SESTD1: variants seen among roughly 807,000 people sequenced by gnomAD.
SESTD1 encodes the protein SEC14 domain and spectrin repeat-containing protein 1.
In SESTD1, 43 loss-of-function variants were observed where a neutral mutation model predicts 101.7. That is an observed-to-expected ratio of 0.42 (90% confidence interval 0.33 to 0.55). The LOEUF is 0.55. Ranked by LOEUF, SESTD1 falls within the 20% of genes least tolerant of loss-of-function variation. SESTD1 has a pLI of 0.07. For synonymous variants in SESTD1, 283 were observed against 286.8 expected (o/e 0.99, Z 0.13); for missense variants, 647 against 815.1 (o/e 0.79, Z 2.51).
chr2:179,235,371 G>A (rs1455180092), intron 1 of SESTD1, among the ~76,000 whole-genome samples: 2 of 152,114 alleles, frequency 1.3e-5, no homozygotes, highest in African/African-American at 2.4e-5. Flanking sequence ...AGAATGTGGA[G>A]TGAAACCTAT....
Position 179,107,244 on chromosome 2 carries a change from C to CT in SESTD1, c.*2654dup, listed in dbSNP as rs1160622879. On this transcript the variant is annotated 3_prime_UTR_variant, in exon 18 of 18. Coordinates refer to ENST00000428443, the MANE Select transcript of SESTD1 (RefSeq NM_178123.5). ...CATTACTGGATTTTCATTCATAACT[C>CT]TATGTACAGATACACATATGAAAGC... 1 of 152,124 alleles carries CT rather than the reference C, an allele frequency of 6.6e-6. No homozygotes were observed. The highest frequency in any genetic ancestry group is 2.4e-5 in the African/African-American group (1 of 41,438). 9.4% of individuals were successfully genotyped at this position (152,124 alleles called of 1,614,324 possible). A position where few individuals can be genotyped will look rare whatever the true frequency, so the allele number is the denominator to read the frequency against.
intron 1 of SESTD1, among the ~76,000 whole-genome samples, chr2:179,230,113 C>CTCTTTT (rs2046962437): frequency 1.1e-4 from 6 of 56,404 alleles, no homozygotes; most frequent in African/African-American, 3.1e-4. Flanking sequence ...GATTGTATCT[C>CTCTTTT]TTTTTTTTTT....
intron 10 of SESTD1, among the ~76,000 whole-genome samples, chr2:179,129,485 A>AACTT (rs1247106359): frequency 3.9e-5 from 6 of 152,142 alleles, no homozygotes; most frequent in Non-Finnish European, 8.8e-5. Context: ...TATGTATTAA[A>AACTT]ACTTAATATC....
chr2:179,248,607 C>A (rs950597313), intron 1 of SESTD1, among the ~76,000 whole-genome samples: 2 of 151,338 alleles, frequency 1.3e-5, no homozygotes, highest in African/African-American at 4.9e-5. Flanking sequence ...AAGGAGGTAA[C>A]AATCACATAA....
At chr2:179,157,384 G>C (rs1332348686) in intron 5 of SESTD1, among the ~76,000 whole-genome samples, 3 of 151,908 alleles carry the variant, frequency 2.0e-5, no homozygotes, top group Admixed American at 2.0e-4. Flanking sequence ...AATTCATATG[G>C]AACCAAAAAA....
At chr2:179,111,110 G>A (rs2044496235) in intron 17 of SESTD1, among the ~76,000 whole-genome samples, 1 of 152,132 alleles carries the variant, frequency 6.6e-6, no homozygotes, top group Non-Finnish European at 1.5e-5. Context: ...GGGAGGGTAA[G>A]GGATCCTGGA....
In SESTD1 at chr2:179,183,132, T is replaced by A. The variant is rs1246806112; in HGVS notation, c.112A>T (p.Thr38Ser). The A allele has an allele frequency of 6.2e-7, 1 of 1,612,318 alleles. No homozygotes were observed. Among genetic ancestry groups the A allele is most frequent in the South Asian group, 1.1e-5 (1 of 90,938 alleles). The part of the protein sequence containing the change: ...ILTIPLCLEQ[T>S]NMDELSVTLD... The stretch of plus-strand genomic sequence containing the variant: ...GTGACACTCAGCTCATCCATATTTG[T>A]CTGTTCGAGGCATAATGGAATTGTC... The change falls in exon 3 of 18, where the codon ACA becomes TCA. Residue 38 changes from threonine to serine, a missense_variant. Coordinates refer to ENST00000428443, the MANE Select transcript of SESTD1 (RefSeq NM_178123.5).
At chr2:179,169,116 T>C (rs918463932) in intron 5 of SESTD1, among the ~76,000 whole-genome samples, 2 of 152,076 alleles carry the variant, frequency 1.3e-5, no homozygotes, top group African/African-American at 4.8e-5. Context: ...ATATCAATAA[T>C]TGCATTAAAT....
intron 1 of SESTD1, among the ~76,000 whole-genome samples, chr2:179,251,822 A>C (rs2047321420): frequency 6.6e-6 from 1 of 152,122 alleles, no homozygotes; most frequent in Admixed American, 6.5e-5. Context: ...ACAAACCAAG[A>C]AGCTGGCCCT....
chr2:179,182,361 A>G (rs761052088), intron 3 of SESTD1, among the ~76,000 whole-genome samples: 16 of 152,230 alleles, frequency 1.1e-4, no homozygotes, highest in East Asian at 1.9e-4. Flanking sequence ...AGCTTAAAAG[A>G]CTTTTTAAAA....
chr2:179,214,743 G>T (rs1161112762), intron 1 of SESTD1, among the ~76,000 whole-genome samples: 1 of 134,862 alleles, frequency 7.4e-6, no homozygotes, highest in East Asian at 2.0e-4. Context: ...TGGAAGTAAA[G>T]CACTTCTGAG....
chr2:179,253,388 T>TA, intron 1 of SESTD1, among the ~76,000 whole-genome samples: 1 of 152,298 alleles, frequency 6.6e-6, no homozygotes, highest in East Asian at 1.9e-4. Context: ...AACAGTAACA[T>TA]ACTGATGCTG....
intron 9 of SESTD1, among the ~76,000 whole-genome samples, chr2:179,143,264 T>C (rs954263103): frequency 3.3e-5 from 5 of 152,134 alleles, no homozygotes; most frequent in African/African-American, 1.2e-4. Flanking sequence ...AACTAAGTTA[T>C]TAGAAATTAA....
chr2:179,121,623 A>G, intron 13 of SESTD1, 147 bp downstream of exon 13: 1 of 513,024 alleles, frequency 1.9e-6, no homozygotes, highest in Non-Finnish European at 3.2e-6. Context: ...AATTATATAC[A>G]GTAATTATCA....
chr2:179,203,191 T>C (rs2046543880), intron 1 of SESTD1, among the ~76,000 whole-genome samples: 1 of 134,998 alleles, frequency 7.4e-6, no homozygotes. Context: ...AGCATGACTC[T>C]ATACAATTTC....
chr2:179,189,795 CA>C (rs34938399), intron 2 of SESTD1, among the ~76,000 whole-genome samples: 122,844 of 151,866 alleles, frequency 0.81, 49,811 homozygotes, highest in South Asian at 0.92. Context: ...AACTGAGAGC[CA>C]AAATAAAGAA....
At chr2:179,176,308 T>A in intron 4 of SESTD1, 140 bp downstream of exon 4, 2 of 642,952 alleles carry the variant, frequency 3.1e-6, no homozygotes, top group Non-Finnish European at 2.7e-6. Flanking sequence ...AACAATCCAA[T>A]AGTGATAAGT....
chr2:179,224,057 T>C (rs761207586), intron 1 of SESTD1, among the ~76,000 whole-genome samples: 1 of 152,160 alleles, frequency 6.6e-6, no homozygotes, highest in African/African-American at 2.4e-5. Context: ...TAAAATGATA[T>C]TATTTTGTAT....
At chr2:179,127,923 T>C (rs531202062) in intron 10 of SESTD1, among the ~76,000 whole-genome samples, 49 of 152,254 alleles carry the variant, frequency 3.2e-4, no homozygotes, top group Non-Finnish European at 5.7e-4. Context: ...TTATTCATAG[T>C]ACTTACATAT....
Sources: gnomAD v4.1 joint callset for allele counts (sites outside exome capture counted in the v4.1 genomes callset) on GRCh38, gnomAD v4.1.1 for gene constraint, MANE v1.5 for transcripts, NCBI Gene and HGNC (gene_info 2026-07-23, HGNC 2026-07-21) for gene names.